RASSF3: variants seen among roughly 807,000 people sequenced by gnomAD.
The protein encoded by RASSF3 is Ras association domain family member 3.
In RASSF3, 19 loss-of-function variants were observed where a neutral mutation model predicts 19.9. The ratio of observed to expected loss-of-function variants is 0.96; its 90% CI spans 0.67 to 1.40. The LOEUF (loss-of-function observed/expected upper bound fraction) is 1.40. Among genes scored for constraint, RASSF3 ranks in the 40% most tolerant of loss-of-function variants. The probability of loss-of-function intolerance (pLI) is 0.00; values close to 1 mark genes in which losing one functional copy is unlikely to be tolerated. For synonymous variants in RASSF3, 110 were observed against 104.2 expected (o/e 1.06, Z -0.34); for missense variants, 306 against 289.8 (o/e 1.06, Z -0.41).
chr12:64,547,133 G>A (rs771561246), intron 2 of RASSF3, among the ~76,000 whole-genome samples: 1 of 152,000 alleles, frequency 6.6e-6, no homozygotes, highest in Non-Finnish European at 1.5e-5. Flanking sequence ...TGAGCCAAGT[G>A]TGGTGGCACA....
At chr12:64,555,102 G>A (rs1233989504) in intron 2 of RASSF3, among the ~76,000 whole-genome samples, 1 of 151,978 alleles carries the variant, frequency 6.6e-6, no homozygotes. Flanking sequence ...AAACCAGCTG[G>A]GTGTGGTGGT....
chr12:64,610,792 G>C, intron 1 of RASSF3, 49 bp downstream of exon 1: 1 of 1,268,184 alleles, frequency 7.9e-7, no homozygotes, highest in Non-Finnish European at 1.1e-6. Flanking sequence ...GAGTTCCGGG[G>C]AACCCGCCAG....
chr12:64,661,677 C>CTTTTTTTTTTTTTTTTTTTTTTTTTTTT (rs71092993), intron 1 of RASSF3, among the ~76,000 whole-genome samples: 1 of 79,002 alleles, frequency 1.3e-5, no homozygotes, highest in Admixed American at 1.5e-4. Context: ...TTTTCTTTTT[C>CTTTTTTTTTTTTTTTTTTTTTTTTTTTT]TTTTTTTTTT....
intron 1 of RASSF3, among the ~76,000 whole-genome samples, chr12:64,634,429 A>G (rs114872862): frequency 0.015 from 2,289 of 151,790 alleles, 60 homozygotes; most frequent in African/African-American, 0.051. Flanking sequence ...CAGCCTCCCA[A>G]CTGGGATTAC....
chr12:64,540,820 G>A (rs760746962), intron 1 of RASSF3, among the ~76,000 whole-genome samples: 53 of 152,274 alleles, frequency 3.5e-4, no homozygotes, highest in Non-Finnish European at 6.0e-4. Context: ...TGCCCAGGCT[G>A]GAGTGCAGTG....
intron 1 of RASSF3, among the ~76,000 whole-genome samples, chr12:64,638,702 C>T (rs1871410490): frequency 2.0e-5 from 3 of 152,096 alleles, no homozygotes; most frequent in South Asian, 2.1e-4. Flanking sequence ...TTCTCCCTGT[C>T]GTTTCCCCCA....
chr12:64,527,611 G>C (rs1336599531), intron 1 of RASSF3, among the ~76,000 whole-genome samples: 2 of 152,160 alleles, frequency 1.3e-5, no homozygotes, highest in Non-Finnish European at 2.9e-5. Flanking sequence ...GGAATTATTT[G>C]ATATACGATT....
chr12:64,667,533 G>A (rs577662434), intron 1 of RASSF3, among the ~76,000 whole-genome samples: 15 of 152,256 alleles, frequency 9.9e-5, no homozygotes, highest in African/African-American at 2.9e-4. Context: ...AAAGATGGTC[G>A]TAGCTCCTAT....
At chr12:64,667,035 G>A (rs1327406885) in intron 1 of RASSF3, among the ~76,000 whole-genome samples, 3 of 151,950 alleles carry the variant, frequency 2.0e-5, no homozygotes, top group Admixed American at 6.6e-5. Flanking sequence ...GTAGAAGCCC[G>A]TTAATGGGTA....
intron 4 of RASSF3, among the ~76,000 whole-genome samples, chr12:64,691,889 C>T (rs907443825): frequency 2.0e-5 from 3 of 152,128 alleles, no homozygotes; most frequent in Admixed American, 1.3e-4. Flanking sequence ...TTCACCCCTT[C>T]CCACCTCCAA....
intron 1 of RASSF3, among the ~76,000 whole-genome samples, chr12:64,627,492 A>C (rs1871035513): frequency 6.6e-6 from 1 of 152,176 alleles, no homozygotes; most frequent in Non-Finnish European, 1.5e-5. Context: ...TGAGCTTCAC[A>C]AGGGCAGACC....
chr12:64,693,670 T>C (rs924206716), intron 4 of RASSF3, among the ~76,000 whole-genome samples: 1 of 152,208 alleles, frequency 6.6e-6, no homozygotes, highest in African/African-American at 2.4e-5. Flanking sequence ...TGGGCTCAAA[T>C]GATCCTCCTG....
At chr12:64,550,401 A>G (rs986194038) in intron 2 of RASSF3, among the ~76,000 whole-genome samples, 1 of 152,124 alleles carries the variant, frequency 6.6e-6, no homozygotes, top group Non-Finnish European at 1.5e-5. Flanking sequence ...ACAGTGCCCC[A>G]TGCCTGTAAT....
rs1215364327 is a variant in RASSF3 at position 64,586,837 on chromosome 12, C to T, written c.294+45132C>T. On this transcript the variant is annotated intron_variant, in intron 2 of 5. Transcript: ENST00000637125. ...ACTTGGGAGGCTGAGGCAGGAGAAT[C>T]GCTTGAACACGGGAGGTGGAGGTTG... Among the ~76,000 whole-genome samples the T allele has an allele frequency of 4.6e-5, 7 of 151,574 alleles. 1 individual carries two copies. The highest frequency in any genetic ancestry group is 6.8e-3 in the Middle Eastern group (2 of 294).
At chr12:64,535,126 T>C (rs971313007) in intron 1 of RASSF3, among the ~76,000 whole-genome samples, 1 of 151,716 alleles carries the variant, frequency 6.6e-6, no homozygotes, top group African/African-American at 2.4e-5. Flanking sequence ...TGAAATTCAA[T>C]AGATGGCAGT....
At chr12:64,683,886 A>G (rs972558913) in intron 1 of RASSF3, among the ~76,000 whole-genome samples, 1 of 152,018 alleles carries the variant, frequency 6.6e-6, no homozygotes, top group African/African-American at 2.4e-5. Flanking sequence ...TAAAAAATAT[A>G]TCCCCTAGGA....
intron 2 of RASSF3, among the ~76,000 whole-genome samples, chr12:64,559,779 T>G (rs1869318187): frequency 6.6e-6 from 1 of 152,234 alleles, no homozygotes; most frequent in African/African-American, 2.4e-5. Context: ...GTCTTGCTTT[T>G]CTAGTCTTAC....
chr12:64,517,344 A>G (rs1267492184), intron 1 of RASSF3, among the ~76,000 whole-genome samples: 1 of 151,776 alleles, frequency 6.6e-6, no homozygotes, highest in Non-Finnish European at 1.5e-5. Flanking sequence ...TGATGTGGTC[A>G]CAATTAAAAT....
chr12:64,516,701 T>C (rs1174705327), intron 1 of RASSF3, among the ~76,000 whole-genome samples: 1 of 146,508 alleles, frequency 6.8e-6, no homozygotes, highest in East Asian at 2.1e-4. Context: ...ATTAATTAAC[T>C]GAAAATAAGA....
Sources: gnomAD v4.1 joint callset for allele counts (sites outside exome capture counted in the v4.1 genomes callset) on GRCh38, gnomAD v4.1.1 for gene constraint, MANE v1.5 for transcripts, NCBI Gene and HGNC (gene_info 2026-07-23, HGNC 2026-07-21) for gene names.